Variants in TRIO observed in about 807,000 individuals in gnomAD.
The protein encoded by TRIO is triple functional domain protein.
TRIO carries 58 observed loss-of-function variants against 351.9 expected under a neutral mutation model. The ratio of observed to expected loss-of-function variants is 0.16; its 90% confidence interval spans 0.13 to 0.21. The LOEUF is 0.21. TRIO is among the 10% of genes least tolerant of loss of function. The pLI is 1.00. For synonymous variants in TRIO, 1,758 were observed against 1,595.7 expected (o/e 1.10, Z -2.42); for missense variants, 3,201 against 4,027.8 (o/e 0.79, Z 5.56).
Position 14,465,567 on chromosome 5 carries a change from G to A in TRIO, c.5690G>A (p.Arg1897His), listed in dbSNP as rs755807866. ...TAGGCCTCTTCTCGGTTATTAGTCC[G>A]CCCCACCAGCTCCGAAACACCGAGT... is the stretch of plus-strand genomic sequence containing the variant. ...DDKASSRLLV[R>H]PTSSETPSAA... The change falls in exon 37 of 57, where the codon CGC (arginine) becomes CAC (histidine). Residue 1897 changes from arginine to histidine, a missense_variant. This residue lies in a region of TRIO where 307 missense variants were observed against 396.5 expected (regional missense o/e 0.77). Coordinates refer to ENST00000344204, the MANE Select transcript of TRIO (RefSeq NM_007118.4). 1.5e-5 allele frequency: 25 copies of A among 1,613,552 alleles called. No individual in the cohort carries two copies. The South Asian group carries it at 1.6e-4, about 11-fold the overall frequency.
chr5:14,392,768 C>T (rs573310512), intron 27 of TRIO, among the ~76,000 whole-genome samples: 3 of 152,170 alleles, frequency 2.0e-5, no homozygotes, highest in Admixed American at 6.5e-5. Flanking sequence ...GAGTTTGGGC[C>T]GGGCACAGCG....
chr5:14,476,019 A>T, intron 40 of TRIO, among the ~76,000 whole-genome samples: 1 of 152,242 alleles, frequency 6.6e-6, no homozygotes, highest in East Asian at 1.9e-4. Context: ...TGTCACTGTG[A>T]TGATACCTAA....
intron 3 of TRIO, among the ~76,000 whole-genome samples, chr5:14,283,756 T>C (rs1736206191): frequency 6.6e-6 from 1 of 151,910 alleles, no homozygotes; most frequent in African/African-American, 2.4e-5. Flanking sequence ...CCCTGCCCTT[T>C]TTTTTTTAAA....
In TRIO at chr5:14,143,831, G is replaced by A. The variant is rs1293204286; in HGVS notation, c.106G>A (p.Ala36Thr). 32 of 1,069,666 alleles carry A rather than the reference G, an allele frequency of 3.0e-5. No individual in the cohort carries two copies. The highest frequency in any genetic ancestry group is 6.5e-5 in the East Asian group (1 of 15,390). 66.3% of individuals were successfully genotyped at this position (1,069,666 alleles called of 1,614,324 possible). ...CTGCGGGGGCGGTGCCGGCGAGGGG[G>A]CAGAGGAGGCGGCCAAGGACCTGGC... ...SGCGGGAGEG[A>T]EEAAKDLADI... The change falls in exon 1 of 57, where the codon GCA becomes ACA. Residue 36 changes from alanine to threonine, a missense_variant. Transcript: ENST00000344204.
At chr5:14,383,850 C>A (rs1177152218) in intron 21 of TRIO, among the ~76,000 whole-genome samples, 1 of 152,186 alleles carries the variant, frequency 6.6e-6, no homozygotes, top group Non-Finnish European at 1.5e-5. Context: ...ATCTTAGAAT[C>A]TTCTAAGAAA....
chr5:14,205,304 C>G (rs1791386742), intron 1 of TRIO, among the ~76,000 whole-genome samples: 1 of 152,126 alleles, frequency 6.6e-6, no homozygotes, highest in Non-Finnish European at 1.5e-5. Flanking sequence ...AACATGTGAT[C>G]TAGAGAAAAG....
intron 33 of TRIO, among the ~76,000 whole-genome samples, chr5:14,415,176 C>T (rs1749537526): frequency 6.6e-6 from 1 of 152,152 alleles, no homozygotes; most frequent in Admixed American, 6.5e-5. Flanking sequence ...TTTTATTAGG[C>T]CACATTCTCC....
chr5:14,257,498 C>G (rs1325310578), intron 1 of TRIO, among the ~76,000 whole-genome samples: 91 of 151,966 alleles, frequency 6.0e-4, no homozygotes, highest in Non-Finnish European at 8.8e-5. Context: ...TGGTTGTATT[C>G]TGGCTGGCCC....
chr5:14,277,162 T>G (rs909134390), intron 2 of TRIO, among the ~76,000 whole-genome samples: 5 of 152,184 alleles, frequency 3.3e-5, no homozygotes, highest in Admixed American at 3.3e-4. Flanking sequence ...ATGTTTGCCC[T>G]CATGGAGCTT....
chr5:14,276,500 A>G (rs189854271), intron 2 of TRIO, among the ~76,000 whole-genome samples: 1 of 152,342 alleles, frequency 6.6e-6, no homozygotes, highest in East Asian at 1.9e-4. Context: ...TTTATGGCAC[A>G]CTTAATAGAC....
chr5:14,218,493 T>C lies in TRIO; in HGVS notation c.158-52332T>C, dbSNP rs566774439. Among the ~76,000 whole-genome samples the C allele has an allele frequency of 9.8e-5, 15 of 152,336 alleles. No individual in the cohort carries two copies. The South Asian group carries it at 3.1e-3, about 32-fold the overall frequency. On this transcript the variant is annotated intron_variant, in intron 1 of 56. Transcript: ENST00000344204. ...TCTAAGAGTCAACTCTGCTGTGAAA[T>C]TGATGTTGAAATACAAACAAAACAA...
Position 14,452,068 on chromosome 5 carries a change from C to T in TRIO, c.5204-8951C>T, listed in dbSNP as rs531626620. Among the ~76,000 whole-genome samples the T allele has an allele frequency of 3.0e-3, 459 of 152,338 alleles. 2 individuals are homozygous for T. The highest frequency in any genetic ancestry group is 4.8e-3 in the Non-Finnish European group (326 of 68,038). ...CATCGGAAACGCCCTGGCTGTCAAT[C>T]GGCAGCAGACCCACATGTGTGCATG... is the stretch of plus-strand genomic sequence containing the variant. On this transcript the variant is annotated intron_variant, in intron 34 of 56. Transcript: ENST00000344204.
intron 38 of TRIO, among the ~76,000 whole-genome samples, chr5:14,472,378 T>G (rs987411601): frequency 2.6e-5 from 4 of 152,234 alleles, no homozygotes; most frequent in Non-Finnish European, 4.4e-5. Context: ...CCTCATGCAC[T>G]GTGCCTAGGT....
chr5:14,342,203 G>T (rs1230858887), intron 11 of TRIO, among the ~76,000 whole-genome samples: 1 of 152,232 alleles, frequency 6.6e-6, no homozygotes, highest in Admixed American at 6.5e-5. Flanking sequence ...TGGTACGTGA[G>T]GCTCTCGGAG....
intron 9 of TRIO, among the ~76,000 whole-genome samples, chr5:14,322,738 C>T (rs181083219): frequency 9.8e-5 from 15 of 152,304 alleles, no homozygotes; most frequent in Non-Finnish European, 1.6e-4. Context: ...AATCATATAG[C>T]CCTAGCTGTT....
At position 14,256,738 on chromosome 5, in the gene TRIO, G is replaced by A. The variant is rs574007087; in HGVS notation, c.158-14087G>A. On this transcript the variant is annotated intron_variant, in intron 1 of 56. Coordinates refer to ENST00000344204, the MANE Select transcript of TRIO (RefSeq NM_007118.4). Reference sequence around the variant, plus strand: ...CCCCTTAGAAGTTATTTACTATAATGGCAACTGCCCGTCCTCCTCCTGTTT... The same window carrying A: ...CCCCTTAGAAGTTATTTACTATAATAGCAACTGCCCGTCCTCCTCCTGTTT... Among the ~76,000 whole-genome samples the A allele has an allele frequency of 1.6e-4, 24 of 152,274 alleles. No individual in the cohort carries two copies. The South Asian group carries it at 3.9e-3, about 25-fold the overall frequency.
intron 48 of TRIO, 191 bp from the exon 49 acceptor site, chr5:14,492,376 T>A (rs943078295): frequency 1.4e-6 from 1 of 706,894 alleles, no homozygotes; most frequent in African/African-American, 1.8e-5. Context: ...GAAATTACAT[T>A]TTCAGTTATT....
chr5:14,293,152 G>C lies in TRIO; in HGVS notation c.1176+18G>C, dbSNP rs1737052702. 1.2e-6 allele frequency: 2 copies of C among 1,613,896 alleles called. No individual in the cohort carries two copies. The highest frequency in any genetic ancestry group is 3.3e-5 in the Admixed American group (2 of 60,012). On this transcript the variant is annotated intron_variant, in intron 6 of 56. Coordinates refer to ENST00000344204, the MANE Select transcript of TRIO (RefSeq NM_007118.4). ...ACTGTATGGTAAGACACTCGGAACA[G>C]CTGGACCCTGGCATGTGACAGTGTT...
At chr5:14,428,888 T>C (rs747333530) in intron 34 of TRIO, among the ~76,000 whole-genome samples, 1 of 152,184 alleles carries the variant, frequency 6.6e-6, no homozygotes, top group Admixed American at 6.5e-5. Flanking sequence ...GGGTGACTCA[T>C]GGGCCAAGCA....
Sources: allele counts gnomAD v4.1 joint callset (sites outside exome capture counted in the v4.1 genomes callset), GRCh38; gene constraint gnomAD v4.1.1; regional missense constraint gnomAD v4.1.1; transcripts MANE v1.5; gene names NCBI Gene and HGNC (gene_info 2026-07-23, HGNC 2026-07-21).